Variants in CDH12 observed in about 807,000 individuals in gnomAD.
CDH12 encodes the protein cadherin-12.
Under a neutral mutation model 74.1 loss-of-function variants are expected in CDH12, and 41 were observed. The observed-to-expected ratio is 0.55, with a 90% CI of 0.43 to 0.72. CDH12 has a LOEUF of 0.72. CDH12 is among the 30% of genes least tolerant of loss of function. CDH12 has a pLI of 0.00. For missense variants in CDH12, 945 were observed against 977.2 expected (o/e 0.97, Z 0.44); for synonymous variants, 399 against 355.0 (o/e 1.12, Z -1.39).
chr5:22,536,340 G>A (rs1272615994), intron 1 of CDH12, among the ~76,000 whole-genome samples: 2 of 152,144 alleles, frequency 1.3e-5, no homozygotes, highest in Non-Finnish European at 2.9e-5. Context: ...CATAGTAAAT[G>A]TAAACAGGTT....
chr5:22,144,038 TTC>T (rs1327738255), intron 4 of CDH12: 2 of 152,178 alleles, frequency 1.3e-5, no homozygotes, highest in South Asian at 2.1e-4. Flanking sequence ...TGATTATTCA[TTC>T]TGTTATACTC....
At chr5:22,700,470 G>T (rs1337844498) in intron 1 of CDH12, among the ~76,000 whole-genome samples, 1 of 152,130 alleles carries the variant, frequency 6.6e-6, no homozygotes, top group East Asian at 1.9e-4. Flanking sequence ...TTTACCTCTT[G>T]CCAATGATCA....
chr5:22,284,953 A>AG (rs1189846954), intron 3 of CDH12, among the ~76,000 whole-genome samples: 1 of 151,786 alleles, frequency 6.6e-6, no homozygotes, highest in Non-Finnish European at 1.5e-5. Flanking sequence ...AAGAAATGAA[A>AG]AAAAAAAAAG....
At chr5:22,317,728 T>C (rs1738691940) in intron 3 of CDH12, among the ~76,000 whole-genome samples, 1 of 152,196 alleles carries the variant, frequency 6.6e-6, no homozygotes, top group African/African-American at 2.4e-5. Context: ...TTCTTGCTCA[T>C]GTCATAAATG....
rs555200223 is a variant in CDH12 at position 21,829,096 on chromosome 5, G to T, written c.815-11964C>A. Among the ~76,000 whole-genome samples, 194 of 152,098 alleles carry T rather than the reference G, an allele frequency of 1.3e-3. 1 individual carries two copies. Among genetic ancestry groups the T allele is most frequent in the African/African-American group, 4.4e-3 (183 of 41,506 alleles). ...AGTCAGCTGAGGTCAGGAGTCTGAG[G>T]CCAGCCTGGCCAACATGGCAAAGCC... On this transcript the variant is annotated intron_variant, in intron 8 of 14. Transcript: ENST00000382254.
At position 21,783,466 on chromosome 5, in the gene CDH12, C is replaced by T. The variant is rs550427767; in HGVS notation, c.1285G>A (p.Asp429Asn). Residue 429 changes from aspartate (D) to asparagine (N), a missense_variant, in exon 11 of 15, where the codon GAC (aspartate) becomes AAC (asparagine). Around this residue, in one of 3 missense-constraint regions of CDH12, gnomAD observed 791 missense variants for 792.8 expected, o/e 1.00. Transcript: ENST00000382254. ...TTTCCATCTATTGTAAAGTAGCTGT[C>T]CCCATCACTCTTCCAATCTATGAAG... is the stretch of plus-strand genomic sequence containing the variant. Reference protein sequence around the residue: ...RYFIDWKSDGDSYFTIDGNEG... With the variant: ...RYFIDWKSDGNSYFTIDGNEG... 5 of 1,605,700 alleles carry T rather than the reference C, an allele frequency of 3.1e-6. No individual in the cohort carries two copies. The South Asian group carries it at 3.3e-5, about 11-fold the overall frequency.
rs554915039 is a variant in CDH12, at chr5:22,427,176, C to CT, written c.-427-21826dup. Among the ~76,000 whole-genome samples, 21 of 151,312 alleles carry CT rather than the reference C, an allele frequency of 1.4e-4. No homozygotes were observed. The South Asian group carries it at 2.1e-3, about 15-fold the overall frequency. ...ATACTTTTAGAGAATAAAGGGAATA[C>CT]TTTTTTTTTGAGATGGAGTCTTGCT... is the stretch of plus-strand genomic sequence containing the variant. On this transcript the variant is annotated intron_variant, in intron 2 of 14. Transcript: ENST00000382254.
intron 1 of CDH12, among the ~76,000 whole-genome samples, chr5:22,836,220 TC>T (rs1736813747): frequency 1.3e-5 from 1 of 75,792 alleles, no homozygotes; most frequent in Non-Finnish European, 2.5e-5. Flanking sequence ...TTTCTTTCTT[TC>T]TCTTTTTTTT....
chr5:21,952,150 C>T (rs183718230), intron 6 of CDH12, among the ~76,000 whole-genome samples: 54 of 152,182 alleles, frequency 3.5e-4, no homozygotes, highest in African/African-American at 1.2e-3. Context: ...GTGCTGTTGC[C>T]GTTAGTTATC....
At chr5:22,691,396 T>C (rs1216047210) in intron 1 of CDH12, among the ~76,000 whole-genome samples, 1 of 152,186 alleles carries the variant, frequency 6.6e-6, no homozygotes, top group Non-Finnish European at 1.5e-5. Context: ...GCTGGAGAAA[T>C]TGGAGATTTG....
intron 6 of CDH12, among the ~76,000 whole-genome samples, chr5:21,878,588 A>AT (rs1561265632): frequency 1.3e-5 from 2 of 149,816 alleles, no homozygotes; most frequent in Admixed American, 6.7e-5. Context: ...AAAAAAAAAA[A>AT]AAAAATTAGC....
intron 2 of CDH12, among the ~76,000 whole-genome samples, chr5:22,433,710 C>A (rs958824197): frequency 5.3e-5 from 8 of 152,070 alleles, no homozygotes; most frequent in African/African-American, 1.9e-4. Flanking sequence ...AAATTAAATA[C>A]TTTTTCTAAG....
chr5:21,875,010 T>A (rs2150024075), intron 6 of CDH12, among the ~76,000 whole-genome samples: 1 of 152,242 alleles, frequency 6.6e-6, no homozygotes, highest in South Asian at 2.1e-4. Context: ...GAACCCCTAG[T>A]AACAAAAGCA....
At chr5:22,484,808 A>T (rs1746522436) in intron 2 of CDH12, among the ~76,000 whole-genome samples, 1 of 152,204 alleles carries the variant, frequency 6.6e-6, no homozygotes, top group African/African-American at 2.4e-5. Flanking sequence ...TCTTCAAATT[A>T]CACATACATA....
At chr5:22,665,336 T>C (rs552021256) in intron 1 of CDH12, among the ~76,000 whole-genome samples, 7 of 152,248 alleles carry the variant, frequency 4.6e-5, no homozygotes, top group South Asian at 2.1e-4. Flanking sequence ...AAATTTTTTT[T>C]CCCAAAATCT....
At chr5:21,927,024 A>G (rs1233042217) in intron 6 of CDH12, among the ~76,000 whole-genome samples, 1 of 152,218 alleles carries the variant, frequency 6.6e-6, no homozygotes, top group Non-Finnish European at 1.5e-5. Context: ...ATAACCAAGC[A>G]GCATATGGGA....
At position 21,828,125 on chromosome 5, in the gene CDH12, A is replaced by T. The variant is rs918261650; in HGVS notation, c.815-10993T>A. 1.3e-4 allele frequency among the ~76,000 whole-genome samples: 19 copies of T among 144,762 alleles called. No homozygotes were observed. The East Asian group carries it at 3.2e-3, about 25-fold the overall frequency. 95.0% of individuals were successfully genotyped at this position (144,762 alleles called of 152,430 possible). On this transcript the variant is annotated intron_variant, in intron 8 of 14. Coordinates refer to ENST00000382254, the MANE Select transcript of CDH12 (RefSeq NM_004061.5). Reference sequence around the variant, plus strand: ...CAAAATAAGCTTTGAAAAACAATGAATTTTTTTTTTTTTTTGAGATGGAGT... The same window carrying T: ...CAAAATAAGCTTTGAAAAACAATGATTTTTTTTTTTTTTTTGAGATGGAGT...
chr5:22,357,236 A>G (rs548651964), intron 3 of CDH12, among the ~76,000 whole-genome samples: 8 of 152,238 alleles, frequency 5.3e-5, no homozygotes, highest in South Asian at 2.1e-4. Context: ...TTCCCATGAG[A>G]GATGTGTGTA....
intron 4 of CDH12, among the ~76,000 whole-genome samples, chr5:22,181,565 C>G (rs1580367340): frequency 6.6e-6 from 1 of 152,118 alleles, no homozygotes; most frequent in Admixed American, 6.5e-5. Context: ...CAATCTCGGG[C>G]TTATTTATAT....
Sources: allele counts gnomAD v4.1 joint callset (sites outside exome capture counted in the v4.1 genomes callset), GRCh38; gene constraint gnomAD v4.1.1; regional missense constraint gnomAD v4.1.1; transcripts MANE v1.5; gene names NCBI Gene and HGNC (gene_info 2026-07-23, HGNC 2026-07-21).